LINGO2: variants seen among roughly 807,000 people sequenced by gnomAD.
The protein encoded by LINGO2 is leucine-rich repeat and immunoglobulin-like domain-containing nogo receptor-interacting protein 2.
In LINGO2, 14 loss-of-function variants were observed where a neutral mutation model predicts 30.6. That is an observed-to-expected ratio of 0.46 (90% CI 0.30 to 0.72). The LOEUF is 0.72. Among genes scored for constraint, LINGO2 ranks in the 30% least tolerant of loss-of-function variants. LINGO2 has a pLI of 0.07. For synonymous variants in LINGO2, 317 were observed against 288.5 expected, an observed-to-expected ratio of 1.10 and a Z score of -1.00; for missense variants, 729 against 751.7, an observed-to-expected ratio of 0.97 and a Z score of 0.35.
At chr9:27,938,899 TA>T in the LINGO2 span, 1 of 152,188 alleles carries the variant, frequency 6.6e-6, no homozygotes, top group African/African-American at 2.4e-5. Context: ...CTGTATCTTT[TA>T]AAACAAAGCT....
intron 1 of LINGO2, among the ~76,000 whole-genome samples, chr9:28,583,140 T>C (rs954139546): frequency 2.0e-5 from 3 of 152,002 alleles, no homozygotes; most frequent in South Asian, 2.1e-4. Flanking sequence ...AAAAGAGATA[T>C]ATAATTTTCT....
the LINGO2 span, among the ~76,000 whole-genome samples, chr9:29,205,473 G>C: frequency 6.6e-6 from 1 of 152,038 alleles, no homozygotes; most frequent in Non-Finnish European, 1.5e-5. Flanking sequence ...ATTTATACTT[G>C]CTAACATTTC....
intron 4 of LINGO2, among the ~76,000 whole-genome samples, chr9:28,203,384 T>C (rs1820302746): frequency 6.6e-6 from 1 of 152,188 alleles, no homozygotes; most frequent in Non-Finnish European, 1.5e-5. Flanking sequence ...CACTGAAGTA[T>C]GACAGTAATA....
chr9:27,948,994 A>G (rs1217916030), exon 6 of LINGO2: 1 of 1,613,978 alleles, frequency 6.2e-7, no homozygotes, highest in Non-Finnish European at 8.5e-7. Flanking sequence ...AGGAGAAGAA[A>G]ACAAAATAAA....
At chr9:28,366,860 T>C (rs924559336) in intron 3 of LINGO2, among the ~76,000 whole-genome samples, 25 of 152,086 alleles carry the variant, frequency 1.6e-4, no homozygotes, top group African/African-American at 6.0e-4. Context: ...TAGGAAAACA[T>C]AGTAATAATA....
At chr9:28,651,080 T>TCTC (rs1828081173) in intron 1 of LINGO2, among the ~76,000 whole-genome samples, 1 of 151,112 alleles carries the variant, frequency 6.6e-6, no homozygotes, top group South Asian at 2.1e-4. Context: ...AATCCCAGCT[T>TCTC]CTCGGGAGGC....
At chr9:28,907,272 G>C in the LINGO2 span, among the ~76,000 whole-genome samples, 1 of 151,936 alleles carries the variant, frequency 6.6e-6, no homozygotes, top group African/African-American at 2.4e-5. Context: ...AAGACTTTAT[G>C]AAAGAGATGA....
intron 3 of LINGO2, among the ~76,000 whole-genome samples, chr9:28,353,847 T>C (rs1221720952): frequency 6.6e-6 from 1 of 152,130 alleles, no homozygotes; most frequent in Non-Finnish European, 1.5e-5. Context: ...GTTCATGTCC[T>C]TTGTAGGGAC....
At chr9:29,060,165 T>TGAGCA in the LINGO2 span, among the ~76,000 whole-genome samples, 2 of 151,992 alleles carry the variant, frequency 1.3e-5, no homozygotes, top group Non-Finnish European at 2.9e-5. Flanking sequence ...ACAGAGCAAA[T>TGAGCA]GAGCAGAGCA....
At chr9:28,142,139 T>G (rs537715592) in intron 4 of LINGO2, among the ~76,000 whole-genome samples, 1 of 143,440 alleles carries the variant, frequency 7.0e-6, no homozygotes, top group Non-Finnish European at 1.5e-5. Context: ...TTGGAACTGA[T>G]TGGGTTACTT....
At chr9:28,502,969 C>T (rs113087341) in intron 1 of LINGO2, among the ~76,000 whole-genome samples, 20 of 152,150 alleles carry the variant, frequency 1.3e-4, no homozygotes, top group African/African-American at 4.8e-4. Context: ...CAATCAATAG[C>T]CATGGCTCAT....
At chr9:28,564,830 T>A (rs964196022) in intron 1 of LINGO2, among the ~76,000 whole-genome samples, 7 of 152,036 alleles carry the variant, frequency 4.6e-5, no homozygotes, top group African/African-American at 9.7e-5. Context: ...ACATTTCGAG[T>A]CTTCAATAGT....
At chr9:28,325,798 A>G (rs1369093857) in intron 3 of LINGO2, among the ~76,000 whole-genome samples, 1 of 152,046 alleles carries the variant, frequency 6.6e-6, no homozygotes, top group African/African-American at 2.4e-5. Flanking sequence ...GAACTAATAC[A>G]TGGTCTAATC....
At chr9:28,516,098 AT>A (rs1691911199) in intron 1 of LINGO2, among the ~76,000 whole-genome samples, 1 of 152,158 alleles carries the variant, frequency 6.6e-6, no homozygotes, top group African/African-American at 2.4e-5. Flanking sequence ...TGGTATATAC[AT>A]TTTTAAGGCA....
At chr9:29,117,978 C>A in the LINGO2 span, among the ~76,000 whole-genome samples, 3 of 152,182 alleles carry the variant, frequency 2.0e-5, no homozygotes, top group South Asian at 6.2e-4. Context: ...ATCAGGATCT[C>A]AGATCGCTGC....
chr9:28,204,965 C>T (rs1820361137), intron 4 of LINGO2, among the ~76,000 whole-genome samples: 1 of 152,102 alleles, frequency 6.6e-6, no homozygotes, highest in Non-Finnish European at 1.5e-5. Flanking sequence ...GCCCAATTGG[C>T]CTCTGCCTAA....
the LINGO2 span, among the ~76,000 whole-genome samples, chr9:28,963,543 T>TACACACACACACACACAC: frequency 6.4e-5 from 9 of 140,892 alleles, no homozygotes; most frequent in East Asian, 2.1e-4. Flanking sequence ...GGTATATGAA[T>TACACACACACACACACAC]ACACACACAC....
intron 4 of LINGO2, among the ~76,000 whole-genome samples, chr9:28,071,391 T>C (rs992455092): frequency 6.6e-6 from 1 of 152,042 alleles, no homozygotes; most frequent in Non-Finnish European, 1.5e-5. Flanking sequence ...AACACAATCT[T>C]TATAGTTTTC....
the LINGO2 span, among the ~76,000 whole-genome samples, chr9:28,771,482 TGTGTGTGTGTGTGTGTGTGTGTGTGA>T: frequency 2.2e-5 from 3 of 136,176 alleles, no homozygotes; most frequent in East Asian, 2.2e-4. Context: ...TGTGTGTGTG[TGTGTGTGTGTGTGTGTGTGTGTGTGA>T]GAGAGAGAGA....
Sources: allele counts gnomAD v4.1 joint callset (sites outside exome capture counted in the v4.1 genomes callset), GRCh38; gene constraint gnomAD v4.1.1; transcripts MANE v1.5; gene names NCBI Gene and HGNC (gene_info 2026-07-23, HGNC 2026-07-21).